The following CAMTA1 variants were observed in gnomAD, a reference collection of about 807,000 sequenced individuals.
CAMTA1 encodes the protein calmodulin-binding transcription activator 1.
A neutral mutation model predicts 170.9 loss-of-function variants in CAMTA1; 27 were observed. The observed-to-expected ratio is 0.16, with a 90% CI of 0.12 to 0.22. The LOEUF is 0.22. CAMTA1 is among the 10% of genes least tolerant of loss of function. The pLI is 1.00. For synonymous variants in CAMTA1, 833 were observed against 891.5 expected (o/e 0.93, Z 1.17); for missense variants, 1,619 against 2,217.2 (o/e 0.73, Z 5.42).
At chr1:7,379,426 G>T (rs993025316) in intron 5 of CAMTA1, among the ~76,000 whole-genome samples, 1 of 152,154 alleles carries the variant, frequency 6.6e-6, no homozygotes, top group Admixed American at 6.5e-5. Flanking sequence ...TGAATCCATT[G>T]TGAGGGATCG....
intron 5 of CAMTA1, among the ~76,000 whole-genome samples, chr1:7,334,571 A>G (rs2083235221): frequency 6.6e-6 from 1 of 152,200 alleles, no homozygotes; most frequent in Admixed American, 6.5e-5. Flanking sequence ...GGGGCTTTGC[A>G]TGTGTGGAAC....
intron 3 of CAMTA1, among the ~76,000 whole-genome samples, chr1:6,840,437 G>A (rs1655220651): frequency 6.6e-6 from 1 of 152,160 alleles, no homozygotes; most frequent in African/African-American, 2.4e-5. Flanking sequence ...CAGAGGTGGA[G>A]CTGTCAATTC....
At chr1:7,469,477 A>G (rs1342534942) in intron 6 of CAMTA1, among the ~76,000 whole-genome samples, 3 of 152,180 alleles carry the variant, frequency 2.0e-5, no homozygotes, top group Non-Finnish European at 4.4e-5. Flanking sequence ...AACACCATTT[A>G]TCCAAAGCAG....
intron 3 of CAMTA1, among the ~76,000 whole-genome samples, chr1:6,830,607 T>C (rs1649542623): frequency 6.6e-6 from 1 of 152,142 alleles, no homozygotes; most frequent in Non-Finnish European, 1.5e-5. Context: ...CCTCCCAAAG[T>C]GCTTGGATTA....
chr1:6,924,826 G>A (rs1286313338), intron 3 of CAMTA1, among the ~76,000 whole-genome samples: 1 of 152,240 alleles, frequency 6.6e-6, no homozygotes, highest in Non-Finnish European at 1.5e-5. Flanking sequence ...ATTGAAATGC[G>A]TTGAGTAGGG....
At chr1:7,476,030 G>A (rs2093414928) in intron 6 of CAMTA1, among the ~76,000 whole-genome samples, 1 of 152,202 alleles carries the variant, frequency 6.6e-6, no homozygotes, top group Non-Finnish European at 1.5e-5. Context: ...AAGGTTGACC[G>A]ACCCTGACAT....
At chr1:6,906,473 C>G (rs1027670427) in intron 3 of CAMTA1, among the ~76,000 whole-genome samples, 1 of 152,166 alleles carries the variant, frequency 6.6e-6, no homozygotes, top group Admixed American at 6.5e-5. Flanking sequence ...TAGACTGGCT[C>G]TACCCCACTG....
At chr1:7,696,797 G>T (rs1421099523) in intron 11 of CAMTA1, among the ~76,000 whole-genome samples, 1 of 152,176 alleles carries the variant, frequency 6.6e-6, no homozygotes, top group Non-Finnish European at 1.5e-5. Context: ...GGGAGCCGTA[G>T]AGAAGGCCGT....
At chr1:7,112,189 G>A (rs1644102326) in intron 4 of CAMTA1, among the ~76,000 whole-genome samples, 1 of 152,188 alleles carries the variant, frequency 6.6e-6, no homozygotes, top group Non-Finnish European at 1.5e-5. Context: ...GCTGCTGGCT[G>A]CTGGGCTGTC....
intron 4 of CAMTA1, among the ~76,000 whole-genome samples, chr1:7,188,388 G>T (rs1171402812): frequency 2.0e-5 from 3 of 152,080 alleles, no homozygotes; most frequent in Admixed American, 2.0e-4. Flanking sequence ...TCATATTGTT[G>T]TTCGACCATA....
At chr1:7,670,833 A>T in intron 9 of CAMTA1, 78 bp from the exon 10 acceptor site, 1 of 1,537,298 alleles carries the variant, frequency 6.5e-7, no homozygotes, top group Non-Finnish European at 8.9e-7. Context: ...TGAGCAGTGA[A>T]GCCTCAGGGG....
intron 7 of CAMTA1, 128 bp from the exon 8 acceptor site, chr1:7,661,598 C>T: frequency 9.2e-7 from 1 of 1,088,560 alleles, no homozygotes; most frequent in South Asian, 1.5e-5. Context: ...ATCAATTCGC[C>T]CCAGGAGCCA....
intron 1 of CAMTA1, among the ~76,000 whole-genome samples, chr1:6,802,076 G>A (rs1395061348): frequency 6.6e-6 from 1 of 152,192 alleles, no homozygotes; most frequent in African/African-American, 2.4e-5. Context: ...CCAAGTGAAA[G>A]CAGTTTTAGT....
At chr1:7,087,035 C>T (rs1330652835) in intron 3 of CAMTA1, among the ~76,000 whole-genome samples, 1 of 152,204 alleles carries the variant, frequency 6.6e-6, no homozygotes, top group African/African-American at 2.4e-5. Flanking sequence ...TGGCCTGGCT[C>T]CGCCATGAAC....
rs1212649729 is a variant in CAMTA1 at position 7,426,375 on chromosome 1, C to T, written c.439-41455C>T. Among the ~76,000 whole-genome samples, 4 of 152,128 alleles carry T rather than the reference C, an allele frequency of 2.6e-5. No homozygotes were observed. Among genetic ancestry groups the T allele is most frequent in the Admixed American group, 1.3e-4 (2 of 15,288 alleles). On this transcript the variant is annotated intron_variant, in intron 5 of 22. Transcript: ENST00000303635. The surrounding 1 kb of genome is among the most constrained non-coding windows in gnomAD (Gnocchi z 4.8). ...GTGGTGTCAACTCCCATCCTGGCATCGGATATAGGACCAGCGGTAGTGATC... is the reference window on the plus strand; with the variant it reads ...GTGGTGTCAACTCCCATCCTGGCATTGGATATAGGACCAGCGGTAGTGATC...
At chr1:6,831,110 G>T (rs1341687586) in intron 3 of CAMTA1, among the ~76,000 whole-genome samples, 2 of 152,110 alleles carry the variant, frequency 1.3e-5, no homozygotes, top group Non-Finnish European at 2.9e-5. Flanking sequence ...GAGCCATCGC[G>T]CCCGGCCCGA....
chr1:7,533,253 T>C (rs2094511833), intron 6 of CAMTA1, among the ~76,000 whole-genome samples: 1 of 152,076 alleles, frequency 6.6e-6, no homozygotes, highest in African/African-American at 2.4e-5. Context: ...CGGGCTCCAC[T>C]CCAGGCTCCA....
chr1:6,785,482 C>T lies in CAMTA1; in HGVS notation c.-49C>T, dbSNP rs1638867717. On this transcript the variant is annotated 5_prime_UTR_variant, in exon 1 of 23. Coordinates refer to ENST00000303635, the MANE Select transcript of CAMTA1 (RefSeq NM_015215.4). ...GGCGGGGTGGCTGGGCCGGCGGCGG[C>T]GGCGGTACGAGGCGCGCGCTCGGGG... The T allele has an allele frequency of 3.0e-6, 3 of 1,010,064 alleles. No individual in the cohort carries two copies. The highest frequency in any genetic ancestry group is 1.8e-5 in the African/African-American group (1 of 55,132). The allele number at this position is 1,010,064 out of a possible 1,614,324, so 62.6% of individuals were successfully genotyped here.
intron 6 of CAMTA1, among the ~76,000 whole-genome samples, chr1:7,531,956 C>A (rs1425352635): frequency 6.6e-6 from 1 of 152,060 alleles, no homozygotes; most frequent in Admixed American, 6.5e-5. Context: ...TCTAACGCAC[C>A]TACAAAATGC....
Sources: allele counts gnomAD v4.1 joint callset (sites outside exome capture counted in the v4.1 genomes callset), GRCh38; gene constraint gnomAD v4.1.1; non-coding constraint Gnocchi (gnomAD v3.1); transcripts MANE v1.5; gene names NCBI Gene and HGNC (gene_info 2026-07-23, HGNC 2026-07-21).